Variants in SNX24 observed in about 807,000 individuals in gnomAD.
SNX24 encodes the protein sorting nexin 24.
Under a neutral mutation model 28.7 loss-of-function variants are expected in SNX24, and 22 were observed. The ratio of observed to expected loss-of-function variants is 0.77; its 90% CI spans 0.55 to 1.10. The LOEUF (loss-of-function observed/expected upper bound fraction) is 1.10, where lower values mean the gene tolerates loss of function less well. Ranked by LOEUF, SNX24 falls within the 50% of genes least tolerant of loss-of-function variation. The pLI, the probability that SNX24 is intolerant of heterozygous loss-of-function variation, is 0.00. For missense variants in SNX24, 221 were observed against 201.1 expected (o/e 1.10, Z -0.60); for synonymous variants, 69 against 71.5 (o/e 0.96, Z 0.18).
chr5:123,012,454 G>A (rs1439368816), downstream of SNX24, among the ~76,000 whole-genome samples: 1 of 152,196 alleles, frequency 6.6e-6, no homozygotes, highest in Non-Finnish European at 1.5e-5. Flanking sequence ...ATCTAGCGTA[G>A]TCAAATTTAT....
chr5:122,986,841 A>ATGGGTGGG (rs888795902), intron 3 of SNX24, among the ~76,000 whole-genome samples: 1 of 43,510 alleles, frequency 2.3e-5, no homozygotes, highest in African/African-American at 2.4e-4. Flanking sequence ...AGGTAAATGC[A>ATGGGTGGG]TGGGTGGGTG....
intron 1 of SNX24, among the ~76,000 whole-genome samples, chr5:122,889,328 A>C (rs1417847219): frequency 6.6e-6 from 1 of 151,960 alleles, no homozygotes; most frequent in Non-Finnish European, 1.5e-5. Flanking sequence ...ATATCTATAT[A>C]CACTCATCTA....
chr5:122,999,939 C>G lies in SNX24; in HGVS notation c.277C>G (p.Pro93Ala). 1 of 1,613,046 alleles carries G rather than the reference C, an allele frequency of 6.2e-7. No homozygotes were observed. Among genetic ancestry groups the G allele is most frequent in the Non-Finnish European group, 8.5e-7 (1 of 1,179,012 alleles). The change falls in exon 4 of 7, where the codon CCC becomes GCC. Residue 93 changes from proline (P) to alanine (A), a missense_variant. Pro to Ala is a conservative substitution (Grantham distance 27). Coordinates refer to ENST00000261369, the MANE Select transcript of SNX24 (RefSeq NM_014035.4). ...QAVILENEEL[P>A]KLFLDFLNVR... ...TGTCATTTTAGAAAATGAAGAACTT[C>G]CCAAACTGTTTCTTGATTTCCTAAA...
chr5:123,019,264 A>G (rs1934342023), intron 5 of SNX24, among the ~76,000 whole-genome samples: 1 of 152,012 alleles, frequency 6.6e-6, no homozygotes, highest in African/African-American at 2.4e-5. Context: ...CATTACAAAT[A>G]CTGTTTTTAA....
chr5:123,022,035 T>A (rs186768788), intron 5 of SNX24, among the ~76,000 whole-genome samples: 31 of 152,102 alleles, frequency 2.0e-4, no homozygotes, highest in African/African-American at 7.0e-4. Flanking sequence ...CTGGCAGACA[T>A]GGGCATATTT....
At chr5:122,951,027 G>A (rs1339510348) in intron 3 of SNX24, among the ~76,000 whole-genome samples, 2 of 152,064 alleles carry the variant, frequency 1.3e-5, no homozygotes, top group African/African-American at 2.4e-5. Context: ...CAGCACTTTG[G>A]GAGGCCGAGG....
At position 122,871,133 on chromosome 5, in the gene SNX24, G is replaced by A. The variant is rs116066121; in HGVS notation, c.60+25440G>A. Among the ~76,000 whole-genome samples, 1,085 of 152,248 alleles carry A rather than the reference G, an allele frequency of 7.1e-3. 15 individuals are homozygous for A. Among genetic ancestry groups the A allele is most frequent in the African/African-American group, 0.025 (1,037 of 41,534 alleles). On this transcript the variant is annotated intron_variant, in intron 1 of 6. Coordinates refer to ENST00000261369, the MANE Select transcript of SNX24 (RefSeq NM_014035.4). ...CAGGATGCTTTTGGAGTTTATTAAGGTAGATTACTTGCCCCAGCACATATT... is the reference window on the plus strand; with the variant it reads ...CAGGATGCTTTTGGAGTTTATTAAGATAGATTACTTGCCCCAGCACATATT...
Position 122,947,676 on chromosome 5 carries a change from A to G in SNX24, c.249+1517A>G, listed in dbSNP as rs556753679. 2.0e-5 allele frequency among the ~76,000 whole-genome samples: 3 copies of G among 152,318 alleles called. No homozygotes were observed. The South Asian group carries it at 6.2e-4, about 32-fold the overall frequency. Reference sequence around the variant, plus strand: ...CTTCCATAGCTTCAGGCAACACTGCAGAGCAAAAAACAAACCCCTCCAAAA... The same window carrying G: ...CTTCCATAGCTTCAGGCAACACTGCGGAGCAAAAAACAAACCCCTCCAAAA... On this transcript the variant is annotated intron_variant, in intron 3 of 6. Coordinates refer to ENST00000261369, the MANE Select transcript of SNX24 (RefSeq NM_014035.4).
At chr5:122,986,723 G>A (rs182972720) in intron 3 of SNX24, among the ~76,000 whole-genome samples, 2 of 141,112 alleles carry the variant, frequency 1.4e-5, no homozygotes, top group African/African-American at 5.4e-5. Flanking sequence ...AGAGAAATGG[G>A]CTATAGCCTC....
At position 122,879,700 on chromosome 5, in the gene SNX24, TA is replaced by T. The variant is rs1406850999; in HGVS notation, c.60+34009del. Among the ~76,000 whole-genome samples the T allele has an allele frequency of 2.0e-5, 3 of 151,598 alleles. No homozygotes were observed. In the East Asian group the frequency reaches 5.8e-4, roughly 29 times the overall value. ...GTATGTATGTATGTATGTATGTATTTAATAGAGACAGGGTCTCACTATGTTG... is the reference window on the plus strand; with the variant it reads ...GTATGTATGTATGTATGTATGTATTTATAGAGACAGGGTCTCACTATGTTG... On this transcript the variant is annotated intron_variant, in intron 1 of 6. Coordinates refer to ENST00000261369, the MANE Select transcript of SNX24 (RefSeq NM_014035.4).
intron 1 of SNX24, among the ~76,000 whole-genome samples, chr5:122,881,838 T>C (rs932898682): frequency 2.6e-5 from 4 of 151,434 alleles, no homozygotes; most frequent in African/African-American, 7.3e-5. Context: ...AAAAAACATA[T>C]AGTAAATTAA....
At chr5:122,954,199 A>C (rs112292035) in intron 3 of SNX24, among the ~76,000 whole-genome samples, 6,178 of 86,618 alleles carry the variant, frequency 0.071, 162 homozygotes, top group East Asian at 0.14. Context: ...CTCTCTCTCT[A>C]TATATATATA....
At chr5:123,023,805 ACAACACACAC>A in intron 5 of SNX24, 1 of 1,236,708 alleles carries the variant, frequency 8.1e-7, no homozygotes, top group Non-Finnish European at 1.1e-6. Flanking sequence ...GAAAGACAAC[ACAACACACAC>A]ACACACACAC....
chr5:122,862,330 AAG>A (rs1755497874), intron 1 of SNX24, among the ~76,000 whole-genome samples: 1 of 152,118 alleles, frequency 6.6e-6, no homozygotes, highest in Non-Finnish European at 1.5e-5. Context: ...AAAAAAAAGA[AAG>A]AGGCTGGGCT....
chr5:123,006,078 T>A (rs2150180012), intron 6 of SNX24, among the ~76,000 whole-genome samples: 1 of 152,292 alleles, frequency 6.6e-6, no homozygotes, highest in Non-Finnish European at 1.5e-5. Context: ...GACAGAGATG[T>A]TCAATAACTC....
intron 1 of SNX24, among the ~76,000 whole-genome samples, chr5:122,902,558 A>G (rs1418547342): frequency 6.6e-6 from 1 of 152,050 alleles, no homozygotes; most frequent in Non-Finnish European, 1.5e-5. Flanking sequence ...TCCAGATGAA[A>G]CTCAGGGCCT....
intron 1 of SNX24, among the ~76,000 whole-genome samples, chr5:122,913,435 C>CG (rs1209540546): frequency 3.5e-4 from 52 of 149,046 alleles, no homozygotes; most frequent in African/African-American, 1.2e-3. Flanking sequence ...GCTGGCCGGG[C>CG]GGGGGGCTGA....
intron 3 of SNX24, chr5:122,983,161 A>AAATGAG (rs1447153498): frequency 6.6e-6 from 1 of 151,190 alleles, no homozygotes; most frequent in Non-Finnish European, 1.5e-5. Flanking sequence ...AGATGGAAGT[A>AAATGAG]AATGAGACAT....
At chr5:122,930,875 C>G (rs1047846004) in intron 1 of SNX24, among the ~76,000 whole-genome samples, 2 of 152,150 alleles carry the variant, frequency 1.3e-5, no homozygotes, top group Non-Finnish European at 2.9e-5. Flanking sequence ...TACCTAATAT[C>G]AATAGGTTCT....
Sources: gnomAD v4.1 joint callset for allele counts (sites outside exome capture counted in the v4.1 genomes callset) on GRCh38, gnomAD v4.1.1 for gene constraint, MANE v1.5 for transcripts, NCBI Gene and HGNC (gene_info 2026-07-23, HGNC 2026-07-21) for gene names.